Variants in MCTP2 observed in about 807,000 individuals in gnomAD.
MCTP2 encodes multiple C2 and transmembrane domain containing 2.
In MCTP2, 132 loss-of-function variants were observed where a neutral mutation model predicts 111.6. The observed-to-expected ratio is 1.18, with a 90% CI of 1.03 to 1.37. The LOEUF (loss-of-function observed/expected upper bound fraction) is 1.37, where lower values mean the gene tolerates loss of function less well. Among genes scored for constraint, MCTP2 ranks in the 40% most tolerant of loss-of-function variants. The pLI is 0.00. For missense variants in MCTP2, 1,183 were observed against 1,067.9 expected (o/e 1.11, Z -1.50); for synonymous variants, 395 against 387.7 (o/e 1.02, Z -0.22).
At chr15:94,265,603 T>G (rs994026265) in intron 1 of MCTP2, among the ~76,000 whole-genome samples, 1 of 152,204 alleles carries the variant, frequency 6.6e-6, no homozygotes, top group Non-Finnish European at 1.5e-5. Flanking sequence ...CGTTGAGATA[T>G]TAAAAGAAGG....
At chr15:94,448,331 A>G (rs1405884265) in intron 19 of MCTP2, among the ~76,000 whole-genome samples, 2 of 152,300 alleles carry the variant, frequency 1.3e-5, no homozygotes, top group African/African-American at 2.4e-5. Context: ...GGATTGTAGT[A>G]TATTATTCTC....
intron 1 of MCTP2, among the ~76,000 whole-genome samples, chr15:94,247,084 A>T (rs893864493): frequency 2.0e-5 from 3 of 152,168 alleles, no homozygotes; most frequent in African/African-American, 7.2e-5. Context: ...AGAGTTTATT[A>T]ATTTATATTT....
At chr15:94,363,735 T>G (rs1239179532) in intron 10 of MCTP2, among the ~76,000 whole-genome samples, 2 of 152,134 alleles carry the variant, frequency 1.3e-5, no homozygotes, top group Non-Finnish European at 2.9e-5. Context: ...TCCTATTGAT[T>G]ACATTTTTAA....
At chr15:94,299,584 A>C (rs2075501058) in intron 2 of MCTP2, among the ~76,000 whole-genome samples, 2 of 152,210 alleles carry the variant, frequency 1.3e-5, no homozygotes, top group South Asian at 4.1e-4. Context: ...GGGTGAATAT[A>C]ATTTAAATTC....
intron 19 of MCTP2, 111 bp downstream of exon 19, chr15:94,443,071 A>C: frequency 1.4e-6 from 1 of 719,188 alleles, no homozygotes; most frequent in South Asian, 2.1e-5. Context: ...TTTTAATATG[A>C]TAGAGTTACC....
intron 1 of MCTP2, among the ~76,000 whole-genome samples, chr15:94,232,953 C>T (rs2070292552): frequency 6.6e-6 from 1 of 152,162 alleles, no homozygotes; most frequent in Admixed American, 6.5e-5. Context: ...TTCCCCTGTG[C>T]AGATAAGGAA....
At position 94,482,693 on chromosome 15, in the gene MCTP2, A is replaced by T. The variant is rs1432586101; in HGVS notation, c.*3659A>T. On this transcript the variant is annotated 3_prime_UTR_variant, in exon 23 of 23. Coordinates refer to ENST00000357742, the MANE Select transcript of MCTP2 (RefSeq NM_001385001.1). ...AAACATTGTATATGAAAAGTGATCA[A>T]AACTACATGCTTCAAGAAATTAAAC... is the stretch of plus-strand genomic sequence containing the variant. 2.0e-5 allele frequency: 3 copies of T among 152,254 alleles called. No individual in the cohort carries two copies. Among genetic ancestry groups the T allele is most frequent in the Non-Finnish European group, 4.4e-5 (3 of 68,038 alleles). 9.4% of individuals were successfully genotyped at this position (152,254 alleles called of 1,614,324 possible).
At chr15:94,248,481 C>G (rs1355302025) in intron 1 of MCTP2, among the ~76,000 whole-genome samples, 2 of 152,162 alleles carry the variant, frequency 1.3e-5, no homozygotes, top group Non-Finnish European at 2.9e-5. Context: ...TGTTTACTTT[C>G]CAATTACATT....
At chr15:94,458,314 G>C (rs2084967404) in intron 20 of MCTP2, 68 bp downstream of exon 20, 4 of 925,556 alleles carry the variant, frequency 4.3e-6, no homozygotes, top group Non-Finnish European at 7.2e-6. Flanking sequence ...TGGGGTAATG[G>C]CAGTGGTGTG....
intron 16 of MCTP2, among the ~76,000 whole-genome samples, chr15:94,401,387 A>G (rs987353466): frequency 3.3e-5 from 5 of 152,204 alleles, no homozygotes; most frequent in Non-Finnish European, 7.3e-5. Flanking sequence ...CCCAAGGTGA[A>G]CTCCAATCCC....
At position 94,287,221 on chromosome 15, in the gene MCTP2, A is replaced by G. The variant is rs189395536; in HGVS notation, c.-65-10980A>G. Among the ~76,000 whole-genome samples the G allele has an allele frequency of 2.5e-4, 34 of 135,796 alleles. No homozygotes were observed. In the East Asian group the frequency reaches 7.6e-3, roughly 30 times the overall value. The allele number at this position is 135,796 out of a possible 152,430, so 89.1% of individuals were successfully genotyped here. A position where few individuals can be genotyped will look rare whatever the true frequency, so the allele number is the denominator to read the frequency against. ...CAGGCACAAAAGAGACCAAGCGTAC[A>G]TTACGTACTTTAAGAGCACTTTTTT... is the stretch of plus-strand genomic sequence containing the variant. On this transcript the variant is annotated intron_variant, in intron 1 of 22. Coordinates refer to ENST00000357742, the MANE Select transcript of MCTP2 (RefSeq NM_001385001.1).
At chr15:94,471,792 T>C (rs941236464) in intron 21 of MCTP2, among the ~76,000 whole-genome samples, 1 of 151,448 alleles carries the variant, frequency 6.6e-6, no homozygotes, top group African/African-American at 2.4e-5. Context: ...TCCTGAATAA[T>C]TTATATACTG....
chr15:94,422,163 G>A (rs1463597574), intron 17 of MCTP2, among the ~76,000 whole-genome samples: 1 of 152,094 alleles, frequency 6.6e-6, no homozygotes, highest in African/African-American at 2.4e-5. Context: ...GCTAGTATAC[G>A]GCTGGAGGGC....
intron 22 of MCTP2, among the ~76,000 whole-genome samples, chr15:94,478,477 C>T (rs770543047): frequency 2.6e-5 from 4 of 152,306 alleles, no homozygotes; most frequent in East Asian, 3.9e-4. Flanking sequence ...TTAATTTCCA[C>T]GAGAAATCTA....
At chr15:94,292,007 AC>A (rs1275971794) in intron 1 of MCTP2, among the ~76,000 whole-genome samples, 62 of 152,162 alleles carry the variant, frequency 4.1e-4, no homozygotes, top group African/African-American at 1.5e-3. Flanking sequence ...GTAGATTACC[AC>A]CCTCTGATTT....
chr15:94,404,832 A>C (rs1454856412), intron 17 of MCTP2, among the ~76,000 whole-genome samples: 1 of 151,942 alleles, frequency 6.6e-6, no homozygotes, highest in African/African-American at 2.4e-5. Context: ...AAAATGTTGG[A>C]TCCTCAAGCC....
At chr15:94,389,265 G>A (rs1455267826) in intron 14 of MCTP2, among the ~76,000 whole-genome samples, 4 of 152,040 alleles carry the variant, frequency 2.6e-5, no homozygotes, top group Non-Finnish European at 5.9e-5. Flanking sequence ...AGAGGTGTAG[G>A]GGAAAGGCCG....
intron 14 of MCTP2, among the ~76,000 whole-genome samples, chr15:94,398,381 C>A (rs1195572957): frequency 6.6e-6 from 1 of 152,142 alleles, no homozygotes; most frequent in African/African-American, 2.4e-5. Flanking sequence ...CCATACATAC[C>A]TTATCCAGTT....
At chr15:94,420,050 C>G (rs2082552747) in intron 17 of MCTP2, among the ~76,000 whole-genome samples, 1 of 152,114 alleles carries the variant, frequency 6.6e-6, no homozygotes, top group Non-Finnish European at 1.5e-5. Context: ...AGCCAGTACT[C>G]ATTTAGCATT....
Sources: gnomAD v4.1 joint callset for allele counts (sites outside exome capture counted in the v4.1 genomes callset) on GRCh38, gnomAD v4.1.1 for gene constraint, MANE v1.5 for transcripts, NCBI Gene and HGNC (gene_info 2026-07-23, HGNC 2026-07-21) for gene names.